The following CIP2A variants were observed in gnomAD, a reference collection of about 807,000 sequenced individuals.
CIP2A encodes the protein protein CIP2A.
CIP2A carries 103 observed loss-of-function variants against 110.9 expected under a neutral mutation model. That is an observed-to-expected ratio of 0.93 (90% CI 0.79 to 1.09). The LOEUF is 1.09. Ranked by LOEUF, CIP2A falls within the 50% of genes least tolerant of loss-of-function variation. CIP2A has a pLI of 0.00. For synonymous variants in CIP2A, 381 were observed against 361.6 expected, an observed-to-expected ratio of 1.05 and a Z score of -0.61; for missense variants, 1,088 against 1,038.4, an observed-to-expected ratio of 1.05 and a Z score of -0.66.
intron 17 of CIP2A, 73 bp from the exon 18 acceptor site, chr3:108,554,562 T>C (rs530634083): frequency 3.7e-4 from 241 of 659,972 alleles, no homozygotes; most frequent in Non-Finnish European, 6.1e-4. Flanking sequence ...GCTCACAGTG[T>C]TTTCTTTACT....
Position 108,581,496 on chromosome 3 carries a change from A to T in CIP2A, c.468T>A (p.Asp156Glu). 1 of 1,609,200 alleles carries T rather than the reference A, an allele frequency of 6.2e-7. No homozygotes were observed. The highest frequency in any genetic ancestry group is 8.5e-7 in the Non-Finnish European group (1 of 1,176,118). The change falls in exon 5 of 21, where the codon GAT (aspartate) becomes GAA (glutamate). Residue 156 changes from aspartate to glutamate, a missense_variant. Physicochemically the swap from Asp to Glu is conservative, Grantham distance 45. Coordinates refer to ENST00000295746, the MANE Select transcript of CIP2A (RefSeq NM_020890.3). ...FLIDHIQSSEDELKMPCLGLL... is the reference protein window; with the variant it reads ...FLIDHIQSSEEELKMPCLGLL... ...ATCCTAGACAAGGCATTTTTAACTCATCTTCAGAAGATTGACTGTTGTTTT... is the reference window on the plus strand; with the variant it reads ...ATCCTAGACAAGGCATTTTTAACTCTTCTTCAGAAGATTGACTGTTGTTTT...
intron 16 of CIP2A, among the ~76,000 whole-genome samples, chr3:108,558,132 T>C (rs1271899296): frequency 6.6e-6 from 1 of 151,982 alleles, no homozygotes; most frequent in Non-Finnish European, 1.5e-5. Flanking sequence ...AGACAGAAAA[T>C]ATAAGAATGT....
intron 4 of CIP2A, among the ~76,000 whole-genome samples, chr3:108,581,889 A>T (rs572961031): frequency 2.8e-4 from 42 of 151,560 alleles, no homozygotes; most frequent in Admixed American, 2.4e-3. Context: ...TTGCTTTACA[A>T]TTTTTTTTTC....
intron 18 of CIP2A, 85 bp downstream of exon 18, chr3:108,554,291 A>G (rs1241408300): frequency 1.8e-6 from 1 of 558,708 alleles, no homozygotes; most frequent in Non-Finnish European, 3.2e-6. Context: ...TAATTTTATC[A>G]ATAAAAAACA....
Position 108,560,644 on chromosome 3 carries a change from C to G in CIP2A, c.1827+5G>C. On this transcript the variant is annotated splice_donor_5th_base_variant and intron_variant, in intron 14 of 20. Coordinates refer to ENST00000295746, the MANE Select transcript of CIP2A (RefSeq NM_020890.3). ...CCAGGTTATAATTGCTATTTTTTCA[C>G]TCACCACCATTCCAGACTGAAGTTT... 2 of 1,581,280 alleles carry G rather than the reference C, an allele frequency of 1.3e-6. No homozygotes were observed. The highest frequency in any genetic ancestry group is 1.7e-6 in the Non-Finnish European group (2 of 1,160,592).
intron 13 of CIP2A, 94 bp from the exon 14 acceptor site, chr3:108,560,935 C>T: frequency 1.4e-6 from 1 of 716,872 alleles, no homozygotes. Context: ...AAGAATGGGT[C>T]CTTTTTTTGA....
chr3:108,587,279 C>T (rs559284443), intron 1 of CIP2A, among the ~76,000 whole-genome samples: 1 of 152,090 alleles, frequency 6.6e-6, no homozygotes, highest in South Asian at 2.1e-4. Context: ...ACCCAAATGC[C>T]TATCAACAGG....
intron 7 of CIP2A, among the ~76,000 whole-genome samples, chr3:108,578,948 T>G (rs1938770174): frequency 6.6e-6 from 1 of 152,168 alleles, no homozygotes; most frequent in African/African-American, 2.4e-5. Context: ...GTTCCTATAA[T>G]AAAAATACTC....
Position 108,566,406 on chromosome 3 carries a change from C to T in CIP2A, c.1415+91G>A, listed in dbSNP as rs1938182108. ...TAATCTGTTATATCTTAAGTTATAACCAAAGGATGGTCCTCCAAAAGGATG... is the reference window on the plus strand; with the variant it reads ...TAATCTGTTATATCTTAAGTTATAATCAAAGGATGGTCCTCCAAAAGGATG... On this transcript the variant is annotated intron_variant, in intron 11 of 20. Transcript: ENST00000295746. 7.1e-6 allele frequency: 7 copies of T among 986,718 alleles called. 1 individual carries two copies. In the South Asian group the frequency reaches 7.9e-5, roughly 11 times the overall value. The allele number at this position is 986,718 out of a possible 1,614,324, so 61.1% of individuals were successfully genotyped here. A position where few individuals can be genotyped will look rare whatever the true frequency, so the allele number is the denominator to read the frequency against.
intron 14 of CIP2A, 51 bp downstream of exon 14, chr3:108,560,598 C>T: frequency 9.3e-7 from 1 of 1,078,734 alleles, no homozygotes. Context: ...ATAATTGGGA[C>T]TGACATATAG....
At position 108,576,549 on chromosome 3, in the gene CIP2A, A is replaced by G. The variant is rs564036319; in HGVS notation, c.819-203T>C. Among the ~76,000 whole-genome samples, 6 of 152,298 alleles carry G rather than the reference A, an allele frequency of 3.9e-5. No individual in the cohort carries two copies. In the South Asian group the frequency reaches 1.0e-3, roughly 26 times the overall value. ...ATGATATACATAAATTGGCTGTGTC[A>G]TTTATTAAAACATAGTGATTCATGT... On this transcript the variant is annotated intron_variant, in intron 7 of 20. Coordinates refer to ENST00000295746, the MANE Select transcript of CIP2A (RefSeq NM_020890.3).
chr3:108,578,319 T>A (rs1160586568), intron 7 of CIP2A, among the ~76,000 whole-genome samples: 2 of 152,150 alleles, frequency 1.3e-5, no homozygotes, highest in Admixed American at 6.5e-5. Flanking sequence ...ATTGGGAGAA[T>A]CTCACAACAG....
intron 13 of CIP2A, among the ~76,000 whole-genome samples, chr3:108,561,646 G>GTGAT (rs2107323083): frequency 6.6e-6 from 1 of 152,266 alleles, no homozygotes; most frequent in South Asian, 2.1e-4. Flanking sequence ...CCCAGTCTGG[G>GTGAT]TGATAGAGTG....
chr3:108,561,712 C>CA (rs1938012925), intron 13 of CIP2A, among the ~76,000 whole-genome samples: 2 of 152,018 alleles, frequency 1.3e-5, no homozygotes, highest in African/African-American at 4.8e-5. Context: ...CCCTACCTAC[C>CA]AATGCATCCA....
Position 108,582,097 on chromosome 3 carries a change from T to G in CIP2A, c.452+11A>C. 1.6e-6 allele frequency: 2 copies of G among 1,221,526 alleles called. No individual in the cohort carries two copies. Among genetic ancestry groups the G allele is most frequent in the South Asian group, 1.5e-5 (1 of 68,848 alleles). The allele number at this position is 1,221,526 out of a possible 1,614,324, so 75.7% of individuals were successfully genotyped here. A position where few individuals can be genotyped will look rare whatever the true frequency, so the allele number is the denominator to read the frequency against. On this transcript the variant is annotated intron_variant, in intron 4 of 20. Coordinates refer to ENST00000295746, the MANE Select transcript of CIP2A (RefSeq NM_020890.3). ...TAAACTATTTGGTTTTATGTTTGATTGCATACTCACATGTGATCTATCAGG... is the reference window on the plus strand; with the variant it reads ...TAAACTATTTGGTTTTATGTTTGATGGCATACTCACATGTGATCTATCAGG...
intron 13 of CIP2A, among the ~76,000 whole-genome samples, 193 bp from the exon 14 acceptor site, chr3:108,561,034 T>G (rs1217876988): frequency 2.0e-5 from 3 of 152,148 alleles, no homozygotes; most frequent in Non-Finnish European, 4.4e-5. Flanking sequence ...CTTTTCTGTT[T>G]CTAACCTTTT....
chr3:108,553,894 T>TACAAAAAAAAAAAAAAAAAAAAAAAAA (rs1303036231), intron 18 of CIP2A, among the ~76,000 whole-genome samples, 164 bp from the exon 19 acceptor site: 754 of 49,716 alleles, frequency 0.015, 346 homozygotes, highest in Non-Finnish European at 0.024. Context: ...CTACTAAAAA[T>TACAAAAAAAAAAAAAAAAAAAAAAAAA]ATAAAAAAAA....
rs1028484093 is a variant in CIP2A, at chr3:108,581,624, T to C, written c.453-113A>G. 3.0e-5 allele frequency: 19 copies of C among 634,024 alleles called. No homozygotes were observed. The highest frequency in any genetic ancestry group is 4.3e-4 in the Middle Eastern group (1 of 2,350). 39.3% of individuals were successfully genotyped at this position (634,024 alleles called of 1,614,324 possible). On this transcript the variant is annotated intron_variant, in intron 4 of 20. Transcript: ENST00000295746. Reference sequence around the variant, plus strand: ...TAAGTTTATACATTTCAATTCCCTTTTACACGCAAAAAAAAAAACTAATTA... The same window carrying C: ...TAAGTTTATACATTTCAATTCCCTTCTACACGCAAAAAAAAAAACTAATTA...
chr3:108,586,405 T>C (rs1939039858), intron 1 of CIP2A, among the ~76,000 whole-genome samples: 1 of 152,186 alleles, frequency 6.6e-6, no homozygotes, highest in South Asian at 2.1e-4. Flanking sequence ...CTTGCTGTTT[T>C]AAAAATGATT....
Sources: gnomAD v4.1 joint callset for allele counts (sites outside exome capture counted in the v4.1 genomes callset) on GRCh38, gnomAD v4.1.1 for gene constraint, MANE v1.5 for transcripts, NCBI Gene and HGNC (gene_info 2026-07-23, HGNC 2026-07-21) for gene names.